Variants in TOGARAM1 observed in about 807,000 individuals in gnomAD.
The protein encoded by TOGARAM1 is TOG array regulator of axonemal microtubules 1.
TOGARAM1 carries 100 observed loss-of-function variants against 166.6 expected under a neutral mutation model. The ratio of observed to expected loss-of-function variants is 0.60; its 90% CI spans 0.51 to 0.71. The LOEUF (loss-of-function observed/expected upper bound fraction) is 0.71. TOGARAM1 is among the 30% of genes least tolerant of loss of function. The probability of loss-of-function intolerance (pLI) is 0.00; values close to 1 mark genes in which losing one functional copy is unlikely to be tolerated. For missense variants in TOGARAM1, 2,029 were observed against 2,102.7 expected (o/e 0.96, Z 0.69); for synonymous variants, 758 against 763.8 (o/e 0.99, Z 0.13).
At chr14:44,989,924 C>T (rs1490630578) in intron 1 of TOGARAM1, among the ~76,000 whole-genome samples, 1 of 152,182 alleles carries the variant, frequency 6.6e-6, no homozygotes, top group Non-Finnish European at 1.5e-5. Flanking sequence ...GCACATCTTA[C>T]ATGGCAGCAG....
At chr14:45,059,171 G>C (rs1185791914) in intron 16 of TOGARAM1, among the ~76,000 whole-genome samples, 1 of 151,978 alleles carries the variant, frequency 6.6e-6, no homozygotes, top group African/African-American at 2.4e-5. Flanking sequence ...TCGACCTCCT[G>C]GGTTCAAGCA....
intron 1 of TOGARAM1, among the ~76,000 whole-genome samples, chr14:44,989,217 GC>G (rs1291480051): frequency 6.6e-6 from 1 of 152,032 alleles, no homozygotes; most frequent in Non-Finnish European, 1.5e-5. Context: ...TGCTGAACTT[GC>G]CTAAGATTTG....
intron 6 of TOGARAM1, 180 bp from the exon 7 acceptor site, chr14:45,011,785 ATGTGTGTGTG>A (rs113794576): frequency 2.2e-5 from 9 of 414,616 alleles, no homozygotes; most frequent in African/African-American, 4.2e-5. Flanking sequence ...CAAAATATAT[ATGTGTGTGTG>A]TGTGTGTGTG....
Position 44,962,262 on chromosome 14 carries a change from G to A in TOGARAM1, c.-160G>A. On this transcript the variant is annotated 5_prime_UTR_variant, in exon 1 of 20. Coordinates refer to ENST00000361462, the MANE Select transcript of TOGARAM1 (RefSeq NM_001308120.2). Reference sequence around the variant, plus strand: ...TCAGACGGGGGCCATTTTGCCAGAGGCTGCCTCCCGGAGTTGGGGGCGGCC... The same window carrying A: ...TCAGACGGGGGCCATTTTGCCAGAGACTGCCTCCCGGAGTTGGGGGCGGCC... 1.2e-6 allele frequency: 1 copy of A among 860,658 alleles called. No individual in the cohort carries two copies. The highest frequency in any genetic ancestry group is 1.7e-6 in the Non-Finnish European group (1 of 600,840). 53.3% of individuals were successfully genotyped at this position (860,658 alleles called of 1,614,324 possible).
At chr14:45,045,601 GTGTGTGTGTGTGTGTGTA>G (rs1225690287) in intron 13 of TOGARAM1, among the ~76,000 whole-genome samples, 16 of 77,672 alleles carry the variant, frequency 2.1e-4, no homozygotes, top group African/African-American at 8.7e-4. Context: ...GTGTGTGTGT[GTGTGTGTGTGTGTGTGTA>G]TATATATGTA....
chr14:45,014,016 A>G (rs1007342070), intron 7 of TOGARAM1, among the ~76,000 whole-genome samples: 12 of 148,108 alleles, frequency 8.1e-5, no homozygotes, highest in Non-Finnish European at 1.0e-4. Context: ...TATATGCAAT[A>G]TTTAGTGTTT....
In TOGARAM1 at chr14:44,973,906, CTGTTT is replaced by C. The variant is rs371905593; in HGVS notation, c.2046+9451_2046+9455del. ...TCTTTGCTCCCCTATAGGTAATGTT[CTGTTT>C]TGTTTTGTTTTTCCTTTATCTTCTT... On this transcript the variant is annotated intron_variant, in intron 1 of 19. Transcript: ENST00000361462. 4.6e-3 allele frequency among the ~76,000 whole-genome samples: 693 copies of C among 151,198 alleles called. 3 individuals carry two copies. Among genetic ancestry groups the C allele is most frequent in the African/African-American group, 0.016 (654 of 41,274 alleles).
chr14:45,007,408 A>G (rs1879515915), intron 5 of TOGARAM1: 1 of 151,830 alleles, frequency 6.6e-6, no homozygotes, highest in Admixed American at 6.6e-5. Flanking sequence ...TAGAAAAGAC[A>G]TTTTCCTACA....
chr14:45,042,865 A>G (rs912843797), intron 11 of TOGARAM1, among the ~76,000 whole-genome samples: 11 of 152,256 alleles, frequency 7.2e-5, no homozygotes, highest in Admixed American at 7.2e-4. Flanking sequence ...GGCTGTGGTA[A>G]TTTTAGCAAT....
rs1336692446 is a variant in TOGARAM1, at chr14:44,964,081, G to A, written c.1660G>A (p.Asp554Asn). The change falls in exon 1 of 20, where the codon GAT (aspartate) becomes AAT (asparagine). Residue 554 changes from aspartate (D) to asparagine (N), a missense_variant. Around this residue, in one of 2 missense-constraint regions of TOGARAM1, gnomAD observed 1,453 missense variants for 1,432.2 expected, o/e 1.01. Transcript: ENST00000361462. ...AACCAGCATCCTTTTTAAAGCTGTG[G>A]ATACAGTTGAACTGCAAGATAATGG... ...GKTSILFKAVDTVELQDNGDG... is the reference protein window; with the variant it reads ...GKTSILFKAVNTVELQDNGDG... 1 of 1,614,184 alleles carries A rather than the reference G, an allele frequency of 6.2e-7. No individual in the cohort carries two copies.
intron 1 of TOGARAM1, among the ~76,000 whole-genome samples, chr14:44,977,870 G>T (rs950794268): frequency 1.3e-5 from 2 of 151,934 alleles, no homozygotes; most frequent in Middle Eastern, 3.4e-3. Flanking sequence ...GGCTGGTCTC[G>T]AACTCCTGAG....
Position 45,066,773 on chromosome 14 carries a change from G to A in TOGARAM1, c.4749+6G>A, listed in dbSNP as rs760533239. 7 of 1,607,164 alleles carry A rather than the reference G, an allele frequency of 4.4e-6. No individual in the cohort carries two copies. The East Asian group carries it at 1.6e-4, about 36-fold the overall frequency. On this transcript the variant is annotated splice_donor_region_variant and intron_variant, in intron 17 of 19. Coordinates refer to ENST00000361462, the MANE Select transcript of TOGARAM1 (RefSeq NM_001308120.2). The stretch of plus-strand genomic sequence containing the variant: ...TTGTTGGAAACATTGTGAAGGTAAG[G>A]ACTTGTCAGAATTAATTTTAATGTG...
At chr14:44,969,342 G>A (rs1209332955) in intron 1 of TOGARAM1, among the ~76,000 whole-genome samples, 18 of 151,644 alleles carry the variant, frequency 1.2e-4, no homozygotes, top group African/African-American at 3.6e-4. Flanking sequence ...TAGTAGAGAC[G>A]GGATTTCACC....
At chr14:44,987,361 C>CA (rs1426346320) in intron 1 of TOGARAM1, among the ~76,000 whole-genome samples, 1 of 152,056 alleles carries the variant, frequency 6.6e-6, no homozygotes, top group African/African-American at 2.4e-5. Flanking sequence ...ACTCATCTGA[C>CA]AAAGGGCTAA....
At chr14:45,042,669 T>C (rs753548542) in intron 11 of TOGARAM1, among the ~76,000 whole-genome samples, 1 of 152,172 alleles carries the variant, frequency 6.6e-6, no homozygotes, top group Non-Finnish European at 1.5e-5. Context: ...CTTTACACTA[T>C]AATGTAGTCT....
chr14:45,026,035 C>A (rs978862327), intron 8 of TOGARAM1, among the ~76,000 whole-genome samples, 163 bp downstream of exon 8: 1 of 152,082 alleles, frequency 6.6e-6, no homozygotes, highest in African/African-American at 2.4e-5. Context: ...TGAATACTTA[C>A]CTTCACATTT....
intron 16 of TOGARAM1, among the ~76,000 whole-genome samples, chr14:45,056,974 G>T (rs1882671454): frequency 6.6e-6 from 1 of 151,166 alleles, no homozygotes; most frequent in South Asian, 2.1e-4. Context: ...TTGTTTGTTT[G>T]TTTATTGTAC....
rs959765221 is a variant in TOGARAM1 at position 45,066,656 on chromosome 14, C to T, written c.4638C>T (p.Leu1546=). The T allele has an allele frequency of 3.1e-6, 5 of 1,613,792 alleles. No individual in the cohort carries two copies. The African/African-American group carries it at 5.3e-5, about 17-fold the overall frequency. Residue 1546 remains leucine (L), a synonymous_variant, in exon 17 of 20, where the codon CTC becomes CTT. Transcript: ENST00000361462. ...TAGAAAGTGCTGAGTACCTTAAACTCATAACTGGCTTATTAAATGCAAAAG... is the reference window on the plus strand; with the variant it reads ...TAGAAAGTGCTGAGTACCTTAAACTTATAACTGGCTTATTAAATGCAAAAG... ...NSLESAEYLK[L]ITGLLNAKDF...
At position 45,046,767 on chromosome 14, in the gene TOGARAM1, G is replaced by C. The variant is rs998084134; in HGVS notation, c.4313+64G>C. 1.4e-4 allele frequency: 167 copies of C among 1,210,960 alleles called. 1 individual carries two copies. The highest frequency in any genetic ancestry group is 6.3e-4 in the Middle Eastern group (3 of 4,780). The allele number at this position is 1,210,960 out of a possible 1,614,324, so 75.0% of individuals were successfully genotyped here. A position where few individuals can be genotyped will look rare whatever the true frequency, so the allele number is the denominator to read the frequency against. ...AAGGGCTTAAAAGTAGGAAAAGAAA[G>C]AAAGTTTAAAGAAGAATGAACATTT... On this transcript the variant is annotated intron_variant, in intron 14 of 19. Transcript: ENST00000361462.
Sources: allele counts gnomAD v4.1 joint callset (sites outside exome capture counted in the v4.1 genomes callset), GRCh38; gene constraint gnomAD v4.1.1; regional missense constraint gnomAD v4.1.1; transcripts MANE v1.5; gene names NCBI Gene and HGNC (gene_info 2026-07-23, HGNC 2026-07-21).